Variants in TMEM87B observed in about 807,000 individuals in gnomAD.
TMEM87B encodes the protein transmembrane protein 87B.
A neutral mutation model predicts 80.3 loss-of-function variants in TMEM87B; 83 were observed. That is an observed-to-expected ratio of 1.03 (90% CI 0.87 to 1.24). The LOEUF (loss-of-function observed/expected upper bound fraction) is 1.24, where lower values mean the gene tolerates loss of function less well. TMEM87B is among the 50% of genes most tolerant of loss of function. The pLI, the probability that TMEM87B is intolerant of heterozygous loss-of-function variation, is 0.00. For synonymous variants in TMEM87B, 219 were observed against 230.5 expected (o/e 0.95, Z 0.45); for missense variants, 625 against 674.4 (o/e 0.93, Z 0.81).
At position 112,080,966 on chromosome 2, in the gene TMEM87B, G is replaced by A. The variant is rs146380433; in HGVS notation, c.593-91G>A. The A allele has an allele frequency of 1.8e-3, 2,022 of 1,105,718 alleles. 6 individuals carry two copies. Among genetic ancestry groups the A allele is most frequent in the Non-Finnish European group, 2.1e-3 (1,589 of 739,072 alleles). The allele number at this position is 1,105,718 out of a possible 1,614,324, so 68.5% of individuals were successfully genotyped here. A position where few individuals can be genotyped will look rare whatever the true frequency, so the allele number is the denominator to read the frequency against. ...TACAAATTCAGCATTTGTTAGTGTG[G>A]TTTGTATTCTTGGAGCCTTCTGGGA... On this transcript the variant is annotated intron_variant, in intron 6 of 18. Transcript: ENST00000283206.
At position 112,059,872 on chromosome 2, in the gene TMEM87B, G is replaced by C; in HGVS notation, c.166-105G>C. On this transcript the variant is annotated intron_variant, in intron 1 of 18. Coordinates refer to ENST00000283206, the MANE Select transcript of TMEM87B (RefSeq NM_032824.3). ...AGATTTACGTTAAAAAAATACTCTTGTCAGAGAGAGGAGTGCAAGGCTTAG... is the reference window on the plus strand; with the variant it reads ...AGATTTACGTTAAAAAAATACTCTTCTCAGAGAGAGGAGTGCAAGGCTTAG... 5.1e-6 allele frequency: 7 copies of C among 1,367,646 alleles called. No homozygotes were observed. In the South Asian group the frequency reaches 9.1e-5, roughly 18 times the overall value. 84.7% of individuals were successfully genotyped at this position (1,367,646 alleles called of 1,614,324 possible). A position where few individuals can be genotyped will look rare whatever the true frequency, so the allele number is the denominator to read the frequency against.
intron 10 of TMEM87B, among the ~76,000 whole-genome samples, chr2:112,090,039 A>G (rs1446635352): frequency 2.0e-5 from 3 of 152,232 alleles, no homozygotes; most frequent in Non-Finnish European, 4.4e-5. Flanking sequence ...CCTTAATATC[A>G]TTCTTAACCC....
chr2:112,088,036 A>G (rs1207178357), intron 9 of TMEM87B, among the ~76,000 whole-genome samples: 1 of 152,116 alleles, frequency 6.6e-6, no homozygotes, highest in Non-Finnish European at 1.5e-5. Context: ...CCGGGGGCCC[A>G]GGCTCAGGCC....
intron 9 of TMEM87B, 94 bp downstream of exon 9, chr2:112,086,198 T>C (rs535062714): frequency 2.2e-6 from 2 of 923,560 alleles, no homozygotes; most frequent in Non-Finnish European, 3.3e-6. Context: ...CTTCTAAGTA[T>C]TGTAGTACAA....
chr2:112,084,969 C>T (rs1679101459), intron 8 of TMEM87B, among the ~76,000 whole-genome samples: 1 of 152,150 alleles, frequency 6.6e-6, no homozygotes, highest in South Asian at 2.1e-4. Flanking sequence ...AACTATTCAC[C>T]CTTGCCATCA....
At chr2:112,099,555 T>TATATATATATATATATAC (rs1019425429) in intron 14 of TMEM87B, among the ~76,000 whole-genome samples, 32 of 73,562 alleles carry the variant, frequency 4.4e-4, no homozygotes, top group African/African-American at 1.5e-3. Context: ...TATATATATA[T>TATATATATATATATATAC]ACACACACAC....
chr2:112,095,767 T>C (rs1412029711), intron 11 of TMEM87B, among the ~76,000 whole-genome samples: 1 of 152,210 alleles, frequency 6.6e-6, no homozygotes, highest in African/African-American at 2.4e-5. Context: ...TTAAAATTTT[T>C]AAAACTTGCC....
At chr2:112,112,096 C>T (rs1679934081) in intron 17 of TMEM87B, among the ~76,000 whole-genome samples, 1 of 152,206 alleles carries the variant, frequency 6.6e-6, no homozygotes, top group African/African-American at 2.4e-5. Context: ...CCTGGCTTCA[C>T]CATGGACCGC....
At chr2:112,086,396 C>T (rs1679145971) in intron 9 of TMEM87B, among the ~76,000 whole-genome samples, 1 of 152,174 alleles carries the variant, frequency 6.6e-6, no homozygotes. Context: ...AAACCCTTTT[C>T]TGTTATTTAG....
chr2:112,070,800 T>C (rs921832837), intron 4 of TMEM87B, among the ~76,000 whole-genome samples: 2 of 152,148 alleles, frequency 1.3e-5, no homozygotes, highest in Non-Finnish European at 2.9e-5. Flanking sequence ...ATTCTTCATA[T>C]CCATGAGCAT....
At chr2:112,103,433 G>A (rs995990349) in intron 15 of TMEM87B, among the ~76,000 whole-genome samples, 2 of 152,022 alleles carry the variant, frequency 1.3e-5, no homozygotes, top group African/African-American at 4.8e-5. Flanking sequence ...AAAATACAGT[G>A]GTTAAGTTGA....
In TMEM87B at chr2:112,117,150, C is replaced by A. The variant is rs1272668089; in HGVS notation, c.*1007C>A. ...ATATTTGTAATGTGTAATATGAAATCTTTTGCTTTAATGTCTTTTTTTAAA... is the reference window on the plus strand; with the variant it reads ...ATATTTGTAATGTGTAATATGAAATATTTTGCTTTAATGTCTTTTTTTAAA... On this transcript the variant is annotated 3_prime_UTR_variant, in exon 19 of 19. Transcript: ENST00000283206. 6.6e-6 allele frequency: 1 copy of A among 152,188 alleles called. No homozygotes were observed. The highest frequency in any genetic ancestry group is 2.4e-5 in the African/African-American group (1 of 41,530). The allele number at this position is 152,188 out of a possible 1,614,324, so 9.4% of individuals were successfully genotyped here.
rs543769642 is a variant in TMEM87B, at chr2:112,115,444, C to T, written c.1609-640C>T. Among the ~76,000 whole-genome samples, 118 of 143,460 alleles carry T rather than the reference C, an allele frequency of 8.2e-4. 1 individual carries two copies. Among genetic ancestry groups the T allele is most frequent in the Non-Finnish European group, 1.3e-3 (85 of 65,672 alleles). 94.1% of individuals were successfully genotyped at this position (143,460 alleles called of 152,430 possible). ...TGTAGCATTACAGAAAGATTCATAA[C>T]TCTACAGAAAGAGGTAGCATTACAG... On this transcript the variant is annotated intron_variant, in intron 18 of 18. Coordinates refer to ENST00000283206, the MANE Select transcript of TMEM87B (RefSeq NM_032824.3).
chr2:112,082,196 G>T (rs1025163690), intron 8 of TMEM87B, among the ~76,000 whole-genome samples: 3 of 152,240 alleles, frequency 2.0e-5, no homozygotes, highest in African/African-American at 7.2e-5. Context: ...AGGTGCTCAA[G>T]AGTGTACTTC....
At chr2:112,083,554 G>A (rs1180436019) in intron 8 of TMEM87B, among the ~76,000 whole-genome samples, 1 of 152,142 alleles carries the variant, frequency 6.6e-6, no homozygotes, top group African/African-American at 2.4e-5. Flanking sequence ...CTGGAGCAAT[G>A]GTTCTCATCC....
intron 1 of TMEM87B, among the ~76,000 whole-genome samples, chr2:112,056,923 A>G (rs1394139850): frequency 1.3e-5 from 2 of 152,222 alleles, no homozygotes; most frequent in Non-Finnish European, 2.9e-5. Flanking sequence ...TCCTGCTGCT[A>G]CGATAGTGAA....
intron 2 of TMEM87B, among the ~76,000 whole-genome samples, chr2:112,061,352 C>T (rs1370609722): frequency 6.6e-6 from 1 of 152,156 alleles, no homozygotes; most frequent in African/African-American, 2.4e-5. Context: ...CTACAGGATC[C>T]AAAGTCATGC....
chr2:112,081,050 A>G lies in TMEM87B; in HGVS notation c.593-7A>G. The G allele has an allele frequency of 2.5e-6, 4 of 1,610,170 alleles. No homozygotes were observed. Among genetic ancestry groups the G allele is most frequent in the Non-Finnish European group, 3.4e-6 (4 of 1,177,608 alleles). ...GTTAATTAACTCTCTCTTCTTCTCT[A>G]TCCTAGTTTCTCTTTCTATGATTGG... On this transcript the variant is annotated splice_region_variant and splice_polypyrimidine_tract_variant and intron_variant, in intron 6 of 18. Coordinates refer to ENST00000283206, the MANE Select transcript of TMEM87B (RefSeq NM_032824.3).
Position 112,081,411 on chromosome 2 carries a change from A to G in TMEM87B, c.731A>G (p.Asp244Gly), listed in dbSNP as rs182683537. Residue 244 changes from aspartate (D) to glycine (G), a missense_variant, in exon 8 of 19, where the codon GAT becomes GGT. Physicochemically the swap from Asp to Gly is moderately conservative, Grantham distance 94 (BLOSUM62 -1). Coordinates refer to ENST00000283206, the MANE Select transcript of TMEM87B (RefSeq NM_032824.3). ...WLTWSACYWKDILRIQFWIAA... is the reference protein window; with the variant it reads ...WLTWSACYWKGILRIQFWIAA... ...ACGTGGTCTGCCTGTTATTGGAAAG[A>G]TATATTAAGAATCCAGTTCTGGATT... 57 of 1,613,888 alleles carry G rather than the reference A, an allele frequency of 3.5e-5. No homozygotes were observed. The highest frequency in any genetic ancestry group is 4.7e-5 in the Non-Finnish European group (55 of 1,179,974).
Sources: allele counts gnomAD v4.1 joint callset (sites outside exome capture counted in the v4.1 genomes callset), GRCh38; gene constraint gnomAD v4.1.1; transcripts MANE v1.5; gene names NCBI Gene and HGNC (gene_info 2026-07-23, HGNC 2026-07-21).